U2AF2: variants seen among roughly 807,000 people sequenced by gnomAD.
U2AF2 encodes U2 small nuclear RNA auxiliary factor 2.
In U2AF2, 6 loss-of-function variants were observed where a neutral mutation model predicts 52.6. That is an observed-to-expected ratio of 0.11 (90% CI 0.06 to 0.23). The LOEUF (loss-of-function observed/expected upper bound fraction) is 0.23. U2AF2 is among the 10% of genes least tolerant of loss of function. U2AF2 has a pLI of 1.00. For synonymous variants in U2AF2, 284 were observed against 258.2 expected (o/e 1.10, Z -0.96); for missense variants, 222 against 677.1 (o/e 0.33, Z 7.46).
chr19:55,662,742 C>T (rs539863428), intron 6 of U2AF2, 124 bp downstream of exon 6: 72 of 801,892 alleles, frequency 9.0e-5, no homozygotes, highest in Non-Finnish European at 1.4e-4. Flanking sequence ...CTCTTCTCCA[C>T]CCGGTCGCTG....
At chr19:55,658,524 G>T (rs529249470) in intron 1 of U2AF2, among the ~76,000 whole-genome samples, 1 of 152,282 alleles carries the variant, frequency 6.6e-6, no homozygotes, top group African/African-American at 2.4e-5. Flanking sequence ...TTTGAAGGGA[G>T]TGAGGCTGAG....
intron 9 of U2AF2, 59 bp from the exon 10 acceptor site, chr19:55,669,024 T>A: frequency 6.3e-7 from 1 of 1,578,186 alleles, no homozygotes; most frequent in Non-Finnish European, 8.6e-7. Flanking sequence ...GGTGTCGGGC[T>A]CCTGGTCCCT....
Position 55,655,117 on chromosome 19 carries a change from G to A in U2AF2, c.13G>A (p.Asp5Asn). MSDF[D>N]EFERQLNENK... ...CGGCCGCCTCAGCATGTCGGACTTC[G>A]ACGAGTTCGAGCGGCAGCTCAACGA... Residue 5 changes from aspartate (D) to asparagine (N), a missense_variant, in exon 1 of 12, where the codon GAC (aspartate) becomes AAC (asparagine). Asp to Asn is a conservative substitution (Grantham distance 23, BLOSUM62 1). This residue lies in a region of U2AF2 where 100 missense variants were observed against 144.1 expected (regional missense o/e 0.69). Coordinates refer to ENST00000308924, the MANE Select transcript of U2AF2 (RefSeq NM_007279.3). 6.2e-7 allele frequency: 1 copy of A among 1,604,928 alleles called. No individual in the cohort carries two copies. Among genetic ancestry groups the A allele is most frequent in the East Asian group, 2.3e-5 (1 of 43,306 alleles).
chr19:55,661,357 G>A, intron 5 of U2AF2, 168 bp downstream of exon 5: 2 of 688,294 alleles, frequency 2.9e-6, no homozygotes, highest in Non-Finnish European at 4.3e-6. Context: ...GGGCCGGGCT[G>A]GGGGTGGCCC....
At chr19:55,670,746 A>G (rs1984866152) in intron 11 of U2AF2, 2 of 193,086 alleles carry the variant, frequency 1.0e-5, no homozygotes, top group South Asian at 1.5e-4. Context: ...TTTGAGCCAG[A>G]TGGGAGGGAA....
intron 4 of U2AF2, 94 bp downstream of exon 4, chr19:55,660,713 C>T: frequency 2.4e-6 from 3 of 1,242,582 alleles, no homozygotes; most frequent in Non-Finnish European, 3.4e-6. Flanking sequence ...TGGAGGGGGT[C>T]AAAGACACAG....
intron 7 of U2AF2, among the ~76,000 whole-genome samples, chr19:55,666,861 C>T (rs1386800462): frequency 6.6e-6 from 1 of 152,242 alleles, no homozygotes; most frequent in Non-Finnish European, 1.5e-5. Context: ...GCCTGCCATG[C>T]TGCCTGTGGG....
chr19:55,658,581 C>T (rs1983950151), intron 1 of U2AF2, among the ~76,000 whole-genome samples: 1 of 152,144 alleles, frequency 6.6e-6, no homozygotes, highest in Non-Finnish European at 1.5e-5. Context: ...CAAGCTCCTC[C>T]CCTGACCTGC....
chr19:55,670,534 C>CACCCTGCTGTCCGTGCACCCTGCTGTCCG (rs143152939), intron 11 of U2AF2: 1 of 184,294 alleles, frequency 5.4e-6, no homozygotes, highest in Admixed American at 7.7e-5. Flanking sequence ...CCTGCTGTCC[C>CACCCTGCTGTCCGTGCACCCTGCTGTCCG]TGCACCCTGC....
rs200270241 is a variant in U2AF2, at chr19:55,660,173, C to G, written c.186-4C>G. ...TCCCCATACCTTTCCCTCCCACCCC[C>G]CAGCAAACCTTTGACCAGAGGCGCT... On this transcript the variant is annotated splice_region_variant and splice_polypyrimidine_tract_variant and intron_variant, in intron 2 of 11. Coordinates refer to ENST00000308924, the MANE Select transcript of U2AF2 (RefSeq NM_007279.3). 6.2e-5 allele frequency: 99 copies of G among 1,609,288 alleles called. No homozygotes were observed. Among genetic ancestry groups the G allele is most frequent in the African/African-American group, 6.0e-4 (45 of 74,756 alleles).
chr19:55,674,130 C>T lies in U2AF2; in HGVS notation c.*62C>T, dbSNP rs965299867. The stretch of plus-strand genomic sequence containing the variant: ...GGGCTTCTCCCCACTCCCGCCCCCC[C>T]CTTATCCCCCTCTGAAGACGATGGG... On this transcript the variant is annotated 3_prime_UTR_variant, in exon 12 of 12. Transcript: ENST00000308924. The T allele has an allele frequency of 1.3e-6, 2 of 1,504,954 alleles. No individual in the cohort carries two copies. Among genetic ancestry groups the T allele is most frequent in the Non-Finnish European group, 1.8e-6 (2 of 1,128,926 alleles). The allele number at this position is 1,504,954 out of a possible 1,614,324, so 93.2% of individuals were successfully genotyped here. A position where few individuals can be genotyped will look rare whatever the true frequency, so the allele number is the denominator to read the frequency against.
intron 7 of U2AF2, among the ~76,000 whole-genome samples, chr19:55,665,992 T>C (rs1467112024): frequency 1.3e-5 from 2 of 152,250 alleles, no homozygotes; most frequent in South Asian, 2.1e-4. Context: ...CTGGCCTCAC[T>C]GTGCAGCGCC....
intron 4 of U2AF2, 57 bp downstream of exon 4, chr19:55,660,676 C>T (rs952819558): frequency 3.4e-5 from 51 of 1,494,996 alleles, no homozygotes; most frequent in South Asian, 3.0e-4. Context: ...TGGGATTCTC[C>T]GTCAGTCATT....
intron 1 of U2AF2, among the ~76,000 whole-genome samples, chr19:55,657,733 C>G (rs1212421586): frequency 2.0e-5 from 3 of 152,168 alleles, no homozygotes. Flanking sequence ...TCTAGCCAGA[C>G]CTGAGTGTTC....
In U2AF2 at chr19:55,668,660, G is replaced by C. The variant is rs771429219; in HGVS notation, c.823-10G>C. 6.2e-7 allele frequency: 1 copy of C among 1,609,154 alleles called. No individual in the cohort carries two copies. Among genetic ancestry groups the C allele is most frequent in the South Asian group, 1.1e-5 (1 of 90,856 alleles). ...TCATCCCAGCCCTGATGGACTCTCG[G>C]CTACTGCAGGTCAAAGAGCTGCTGA... On this transcript the variant is annotated splice_polypyrimidine_tract_variant and intron_variant, in intron 8 of 11. Transcript: ENST00000308924. This position sits in a 1 kb window ranked among gnomAD's most constrained non-coding sequence, Gnocchi z 5.5.
rs564500969 is a variant in U2AF2, at chr19:55,662,419, C to T, written c.487-83C>T. The T allele has an allele frequency of 1.6e-4, 90 of 551,714 alleles. 2 individuals are homozygous for T. In the South Asian group the frequency reaches 2.6e-3, roughly 16 times the overall value. The allele number at this position is 551,714 out of a possible 1,614,324, so 34.2% of individuals were successfully genotyped here. ...CCTCTCCCCTTACCCCCAAACCCCTCTGTGTCTCCCTCTCTCACCCTTCCC... is the reference window on the plus strand; with the variant it reads ...CCTCTCCCCTTACCCCCAAACCCCTTTGTGTCTCCCTCTCTCACCCTTCCC... On this transcript the variant is annotated intron_variant, in intron 5 of 11. Coordinates refer to ENST00000308924, the MANE Select transcript of U2AF2 (RefSeq NM_007279.3).
intron 1 of U2AF2, among the ~76,000 whole-genome samples, chr19:55,656,858 TAGAG>T (rs1456487590): frequency 3.9e-5 from 6 of 152,152 alleles, no homozygotes; most frequent in East Asian, 1.9e-4. Flanking sequence ...ATTCCATGCT[TAGAG>T]AGGAGGGTCT....
intron 3 of U2AF2, 61 bp from the exon 4 acceptor site, chr19:55,660,455 A>G: frequency 8.5e-7 from 1 of 1,171,620 alleles, no homozygotes; most frequent in Non-Finnish European, 1.3e-6. Flanking sequence ...GGGGGCTCGC[A>G]GGCCCACTGT....
chr19:55,655,086 C>A lies in U2AF2; in HGVS notation c.-19C>A, dbSNP rs757464479. 6.2e-7 allele frequency: 1 copy of A among 1,606,026 alleles called. No individual in the cohort carries two copies. The highest frequency in any genetic ancestry group is 2.3e-5 in the East Asian group (1 of 43,680). ...AGGCGAGGCGAAAGCTGCACAGGGC[C>A]CTACGCGGCCGCCTCAGCATGTCGG... is the stretch of plus-strand genomic sequence containing the variant. On this transcript the variant is annotated 5_prime_UTR_variant, in exon 1 of 12. Coordinates refer to ENST00000308924, the MANE Select transcript of U2AF2 (RefSeq NM_007279.3).
Sources: gnomAD v4.1 joint callset for allele counts (sites outside exome capture counted in the v4.1 genomes callset) on GRCh38, gnomAD v4.1.1 for gene constraint, gnomAD v4.1.1 regional missense constraint, Gnocchi (gnomAD v3.1) non-coding constraint, MANE v1.5 for transcripts, NCBI Gene and HGNC (gene_info 2026-07-23, HGNC 2026-07-21) for gene names.